Variants in PTPRM observed in about 807,000 individuals in gnomAD.
PTPRM encodes protein tyrosine phosphatase receptor type M, also known as receptor-type tyrosine-protein phosphatase mu.
Under a neutral mutation model 186.7 loss-of-function variants are expected in PTPRM, and 47 were observed. The ratio of observed to expected loss-of-function variants is 0.25; its 90% CI spans 0.20 to 0.32. PTPRM has a LOEUF of 0.32. PTPRM is among the 10% of genes least tolerant of loss of function. The probability of loss-of-function intolerance (pLI) is 1.00; values close to 1 mark genes in which losing one functional copy is unlikely to be tolerated. For synonymous variants in PTPRM, 668 were observed against 674.9 expected, an observed-to-expected ratio of 0.99 and a Z score of 0.16; for missense variants, 1,494 against 1,865.0, an observed-to-expected ratio of 0.80 and a Z score of 3.66.
At chr18:8,155,165 A>T (rs1484631697) in intron 14 of PTPRM, 2 of 152,206 alleles carry the variant, frequency 1.3e-5, no homozygotes, top group Non-Finnish European at 2.9e-5. Context: ...ATATTTGTAT[A>T]AATGAAAATA....
At chr18:8,001,581 T>C (rs1212704111) in intron 7 of PTPRM, among the ~76,000 whole-genome samples, 1 of 152,168 alleles carries the variant, frequency 6.6e-6, no homozygotes, top group African/African-American at 2.4e-5. Flanking sequence ...ACACTGGCTT[T>C]TGTGACTTTA....
chr18:7,623,419 A>G (rs1289117443), intron 1 of PTPRM, among the ~76,000 whole-genome samples: 1 of 152,164 alleles, frequency 6.6e-6, no homozygotes, highest in Non-Finnish European at 1.5e-5. Flanking sequence ...GCACGTATAT[A>G]TGTATTATAC....
At chr18:8,323,479 A>G (rs1251314646) in intron 22 of PTPRM, among the ~76,000 whole-genome samples, 2 of 152,130 alleles carry the variant, frequency 1.3e-5, no homozygotes, top group Non-Finnish European at 2.9e-5. Flanking sequence ...AATACATGTT[A>G]ATTATTATTG....
chr18:8,329,364 C>T (rs1308595587), intron 22 of PTPRM, among the ~76,000 whole-genome samples: 2 of 152,156 alleles, frequency 1.3e-5, no homozygotes, highest in Non-Finnish European at 2.9e-5. Flanking sequence ...CATGGACTAA[C>T]GTTCATATTT....
intron 11 of PTPRM, among the ~76,000 whole-genome samples, chr18:8,112,353 C>T (rs1320531570): frequency 2.6e-5 from 4 of 152,194 alleles, no homozygotes; most frequent in Admixed American, 6.5e-5. Flanking sequence ...GTCACATAGA[C>T]GAGAGTGTAG....
intron 7 of PTPRM, among the ~76,000 whole-genome samples, chr18:7,965,156 C>T (rs1350748547): frequency 6.6e-6 from 1 of 150,734 alleles, no homozygotes; most frequent in African/African-American, 2.4e-5. Context: ...AGCGATTCTT[C>T]TGTGTCAGCC....
chr18:7,739,926 C>T (rs111620397), intron 1 of PTPRM, among the ~76,000 whole-genome samples: 6 of 152,210 alleles, frequency 3.9e-5, no homozygotes, highest in South Asian at 2.1e-4. Flanking sequence ...CCTGTATTGA[C>T]GTGAAAAAAT....
chr18:8,071,394 A>C (rs1432924362), intron 8 of PTPRM, among the ~76,000 whole-genome samples: 1 of 152,006 alleles, frequency 6.6e-6, no homozygotes. Context: ...TTTATGCTGA[A>C]ATTTCTATAA....
At chr18:8,138,219 CT>C (rs1485744942) in intron 13 of PTPRM, among the ~76,000 whole-genome samples, 4 of 150,324 alleles carry the variant, frequency 2.7e-5, no homozygotes, top group Non-Finnish European at 3.0e-5. Flanking sequence ...TTTTTTTTCC[CT>C]CCTCTTCCCC....
chr18:8,135,450 G>C (rs993975899), intron 13 of PTPRM, among the ~76,000 whole-genome samples: 7 of 151,948 alleles, frequency 4.6e-5, no homozygotes, highest in South Asian at 2.1e-4. Flanking sequence ...CCCCAAAAGT[G>C]TTACATAGAT....
At chr18:7,704,723 T>C (rs1359017004) in intron 1 of PTPRM, among the ~76,000 whole-genome samples, 1 of 152,094 alleles carries the variant, frequency 6.6e-6, no homozygotes, top group East Asian at 1.9e-4. Flanking sequence ...AACGGAAATA[T>C]GGTATCTTTA....
At chr18:8,314,203 CT>C (rs2095291018) in intron 20 of PTPRM, among the ~76,000 whole-genome samples, 1 of 152,136 alleles carries the variant, frequency 6.6e-6, no homozygotes, top group South Asian at 2.1e-4. Flanking sequence ...GTGTCATCCC[CT>C]TCTCCAGATG....
At chr18:7,977,554 C>G (rs935053237) in intron 7 of PTPRM, among the ~76,000 whole-genome samples, 2 of 152,054 alleles carry the variant, frequency 1.3e-5, no homozygotes, top group African/African-American at 4.8e-5. Flanking sequence ...TTCTAGTTGT[C>G]CAACATAAGA....
intron 4 of PTPRM, among the ~76,000 whole-genome samples, chr18:7,915,476 C>T (rs1171937869): frequency 1.3e-5 from 2 of 152,148 alleles, no homozygotes; most frequent in East Asian, 1.9e-4. Context: ...AGCATGGGAT[C>T]TACACTTTTC....
intron 7 of PTPRM, among the ~76,000 whole-genome samples, chr18:8,048,940 G>A (rs1479214335): frequency 2.0e-5 from 3 of 152,100 alleles, no homozygotes; most frequent in African/African-American, 7.2e-5. Flanking sequence ...ATCAGTTCCG[G>A]GTAAAATATC....
intron 14 of PTPRM, among the ~76,000 whole-genome samples, chr18:8,227,699 A>G (rs2094231625): frequency 6.6e-6 from 1 of 152,232 alleles, no homozygotes; most frequent in South Asian, 2.1e-4. Context: ...TGCATTAAAA[A>G]TTCTTCTCTT....
intron 2 of PTPRM, among the ~76,000 whole-genome samples, chr18:7,846,110 G>A (rs2046580617): frequency 6.6e-6 from 1 of 152,178 alleles, no homozygotes; most frequent in Admixed American, 6.5e-5. Flanking sequence ...AATTCTAGAG[G>A]ATGACAGCTG....
intron 7 of PTPRM, among the ~76,000 whole-genome samples, chr18:7,992,123 T>C (rs2083298253): frequency 6.6e-6 from 1 of 152,144 alleles, no homozygotes; most frequent in African/African-American, 2.4e-5. Flanking sequence ...CCTGAGTGGG[T>C]AGGAGAGGGA....
At chr18:8,268,443 T>C (rs896261690) in intron 19 of PTPRM, among the ~76,000 whole-genome samples, 1 of 152,042 alleles carries the variant, frequency 6.6e-6, no homozygotes, top group Non-Finnish European at 1.5e-5. Flanking sequence ...ATCAAAAATC[T>C]CCCACAAAGA....
Sources: allele counts gnomAD v4.1 joint callset (sites outside exome capture counted in the v4.1 genomes callset), GRCh38; gene constraint gnomAD v4.1.1; transcripts MANE v1.5; gene names NCBI Gene and HGNC (gene_info 2026-07-23, HGNC 2026-07-21).